The following WNK3 variants were observed in gnomAD, a reference collection of about 807,000 sequenced individuals.
The protein encoded by WNK3 is serine/threonine-protein kinase WNK3.
Under a neutral mutation model 116.7 loss-of-function variants are expected in WNK3, and 18 were observed. The observed-to-expected ratio is 0.15, with a 90% CI of 0.11 to 0.23. The LOEUF is 0.23. Among genes scored for constraint, WNK3 ranks in the 10% least tolerant of loss-of-function variants. The pLI is 1.00. For missense variants in WNK3, 993 were observed against 1,323.8 expected, an observed-to-expected ratio of 0.75 and a Z score of 3.88; for synonymous variants, 404 against 469.4, an observed-to-expected ratio of 0.86 and a Z score of 1.80.
intron 10 of WNK3, among the ~76,000 whole-genome samples, chrX:54,292,471 G>A (rs184865830): frequency 0.012 from 1,279 of 110,607 alleles, 8 homozygotes; most frequent in Non-Finnish European, 0.015. Flanking sequence ...TTGGGAGGCC[G>A]AGGCAGGCGG....
At chrX:54,300,559 C>G (rs782374314) in intron 6 of WNK3, among the ~76,000 whole-genome samples, 1 of 111,996 alleles carries the variant, frequency 8.9e-6, no homozygotes, top group Non-Finnish European at 1.9e-5. Context: ...GACTTTAAGT[C>G]TGATGATGAA....
chrX:54,237,883 T>C (rs2067980738), intron 19 of WNK3, among the ~76,000 whole-genome samples: 1 of 111,476 alleles, frequency 9.0e-6, no homozygotes, highest in South Asian at 3.8e-4. Flanking sequence ...CTTCAAAAGG[T>C]GAGGGGATGC....
chrX:54,310,551 A>C (rs1408533197), intron 3 of WNK3, among the ~76,000 whole-genome samples: 17 of 105,998 alleles, frequency 1.6e-4, no homozygotes, highest in African/African-American at 6.2e-4. Context: ...ACCCTGTCCC[A>C]AAAAATAATA....
intron 1 of WNK3, among the ~76,000 whole-genome samples, chrX:54,349,763 T>A (rs1376775810): frequency 8.9e-6 from 1 of 111,750 alleles, no homozygotes; most frequent in Admixed American, 9.6e-5. Context: ...TTAGCTGGCA[T>A]GGTGGCATGG....
chrX:54,217,315 CAAAAAAA>C (rs782153999), intron 22 of WNK3, among the ~76,000 whole-genome samples: 878 of 49,935 alleles, frequency 0.018, 12 homozygotes, highest in African/African-American at 0.06. Context: ...AAGACTCCAT[CAAAAAAA>C]AAAAAAAAAA....
At chrX:54,204,493 A>G (rs1202048682) in intron 22 of WNK3, among the ~76,000 whole-genome samples, 2 of 112,320 alleles carry the variant, frequency 1.8e-5, no homozygotes, top group East Asian at 2.8e-4. Flanking sequence ...CACATATACA[A>G]GAGTTTTAAA....
At chrX:54,237,586 C>A in intron 19 of WNK3, 35 bp from the exon 20 acceptor site, 1 of 1,133,084 alleles carries the variant, frequency 8.8e-7, no homozygotes, top group South Asian at 2.1e-5. Context: ...GTTAGCATAG[C>A]ACAGACAAGT....
chrX:54,294,232 T>C (rs1231418235), intron 8 of WNK3, among the ~76,000 whole-genome samples: 1 of 111,673 alleles, frequency 9.0e-6, no homozygotes, highest in African/African-American at 3.3e-5. Context: ...AATAAGATCA[T>C]TTTATTTATA....
At chrX:54,329,410 G>A (rs782564457) in intron 2 of WNK3, among the ~76,000 whole-genome samples, 3 of 111,485 alleles carry the variant, frequency 2.7e-5, no homozygotes, top group South Asian at 3.7e-4. Flanking sequence ...AGGCCAAGGC[G>A]GGCAGATCAC....
intron 22 of WNK3, chrX:54,223,774 C>T (rs1223855791): frequency 1.4e-5 from 2 of 147,487 alleles, no homozygotes; most frequent in Non-Finnish European, 2.6e-5. Context: ...GTGGTGACTG[C>T]ACGTGACAAT....
At chrX:54,341,567 C>T (rs1426033030) in intron 1 of WNK3, among the ~76,000 whole-genome samples, 1 of 109,599 alleles carries the variant, frequency 9.1e-6, no homozygotes, top group Admixed American at 9.9e-5. Flanking sequence ...CTGCCTGCTA[C>T]CCTGGGCAAT....
chrX:54,355,345 G>A (rs1224352382), intron 1 of WNK3, among the ~76,000 whole-genome samples: 2 of 111,277 alleles, frequency 1.8e-5, no homozygotes, highest in Non-Finnish European at 3.8e-5. Flanking sequence ...GGCATGTCTT[G>A]TTTTTCTGGG....
intron 5 of WNK3, among the ~76,000 whole-genome samples, chrX:54,303,169 T>A (rs951783019): frequency 2.8e-5 from 3 of 108,512 alleles, no homozygotes; most frequent in Non-Finnish European, 5.7e-5. Context: ...TATGTATATA[T>A]ATGAACATAT....
chrX:54,348,005 T>G (rs986508087), intron 1 of WNK3, among the ~76,000 whole-genome samples: 18 of 110,907 alleles, frequency 1.6e-4, no homozygotes, highest in African/African-American at 4.6e-4. Flanking sequence ...GCTCTTTTTA[T>G]AGTCATAGTA....
At chrX:54,277,418 A>G (rs781809115) in intron 10 of WNK3, among the ~76,000 whole-genome samples, 12 of 107,951 alleles carry the variant, frequency 1.1e-4, no homozygotes, top group Non-Finnish European at 1.7e-4. Context: ...GCTCACTGCA[A>G]CCTCCGCCTC....
At chrX:54,350,950 A>C in intron 1 of WNK3, among the ~76,000 whole-genome samples, 1 of 111,286 alleles carries the variant, frequency 9.0e-6, no homozygotes, top group Non-Finnish European at 1.9e-5. Flanking sequence ...AGGTGAGAAA[A>C]GTAAGTTGTA....
At chrX:54,251,827 AGGCTGAGGTG>A (rs2068133310) in intron 13 of WNK3, 140 bp from the exon 14 acceptor site, 1 of 516,732 alleles carries the variant, frequency 1.9e-6, no homozygotes, top group Non-Finnish European at 2.9e-6. Context: ...GCACTTTGGG[AGGCTGAGGTG>A]GGTGGATCAC....
intron 22 of WNK3, among the ~76,000 whole-genome samples, chrX:54,208,880 C>G (rs2067583387): frequency 9.0e-6 from 1 of 111,666 alleles, no homozygotes; most frequent in Non-Finnish European, 1.9e-5. Context: ...CTCTCCCTAT[C>G]CTTTCTCCAG....
intron 10 of WNK3, among the ~76,000 whole-genome samples, chrX:54,265,220 C>T (rs2068296362): frequency 9.0e-6 from 1 of 111,459 alleles, no homozygotes; most frequent in Admixed American, 9.6e-5. Flanking sequence ...GTGTGGGTGG[C>T]TCATGCCTGT....
Sources: gnomAD v4.1 joint callset for allele counts (sites outside exome capture counted in the v4.1 genomes callset) on GRCh38, gnomAD v4.1.1 for gene constraint, MANE v1.5 for transcripts, NCBI Gene and HGNC (gene_info 2026-07-23, HGNC 2026-07-21) for gene names.